Variants in MOK observed in about 807,000 individuals in gnomAD.
The protein encoded by MOK is MOK protein kinase.
Under a neutral mutation model 54.2 loss-of-function variants are expected in MOK, and 59 were observed. That is an observed-to-expected ratio of 1.09 (90% CI 0.88 to 1.35). MOK has a LOEUF of 1.35. Among genes scored for constraint, MOK ranks in the 40% most tolerant of loss-of-function variants. The probability of loss-of-function intolerance (pLI) is 0.00; values close to 1 mark genes in which losing one functional copy is unlikely to be tolerated. For synonymous variants in MOK, 210 were observed against 202.7 expected, an observed-to-expected ratio of 1.04 and a Z score of -0.31; for missense variants, 517 against 526.2, an observed-to-expected ratio of 0.98 and a Z score of 0.17.
At position 102,232,486 on chromosome 14, in the gene MOK, C is replaced by A; in HGVS notation, c.866+49G>T. The stretch of plus-strand genomic sequence containing the variant: ...TGCCCCACCATGTGCCCATGGGTCT[C>A]ATTTGCCAGGTCCTGCATCTGCCCC... On this transcript the variant is annotated intron_variant, in intron 9 of 11. Transcript: ENST00000361847. The surrounding 1 kb of genome is among the most constrained non-coding windows in gnomAD (Gnocchi z 5.1). 6.3e-7 allele frequency: 1 copy of A among 1,575,058 alleles called. No homozygotes were observed. Among genetic ancestry groups the A allele is most frequent in the South Asian group, 1.2e-5 (1 of 86,090 alleles).
At chr14:102,244,361 A>C (rs573869678) in intron 7 of MOK, among the ~76,000 whole-genome samples, 2 of 152,316 alleles carry the variant, frequency 1.3e-5, no homozygotes, top group South Asian at 2.1e-4. Context: ...ACTAAGGAAC[A>C]TATCTCCTTC....
At chr14:102,218,168 G>A in the MOK span, among the ~76,000 whole-genome samples, 1 of 152,376 alleles carries the variant, frequency 6.6e-6, no homozygotes, top group East Asian at 1.9e-4. Context: ...CCCAGGGCCT[G>A]TGTGCGTCTT....
chr14:102,217,595 C>T, the MOK span, among the ~76,000 whole-genome samples: 9 of 147,204 alleles, frequency 6.1e-5, no homozygotes, highest in South Asian at 4.2e-4. Flanking sequence ...AGATGGGTCC[C>T]GACGTCCCTG....
the MOK span, among the ~76,000 whole-genome samples, chr14:102,217,753 G>A: frequency 6.6e-6 from 1 of 152,246 alleles, no homozygotes; most frequent in Non-Finnish European, 1.5e-5. Flanking sequence ...GAGAATGGTG[G>A]GAGTCTTGCA....
chr14:102,292,452 A>G (rs2070867094), intron 1 of MOK, among the ~76,000 whole-genome samples: 2 of 152,060 alleles, frequency 1.3e-5, no homozygotes, highest in Admixed American at 1.3e-4. Context: ...TAGCCTGGGC[A>G]ACAGAGCAAG....
intron 1 of MOK, among the ~76,000 whole-genome samples, chr14:102,286,595 A>G (rs994267860): frequency 1.3e-5 from 2 of 152,140 alleles, no homozygotes; most frequent in Admixed American, 1.3e-4. Flanking sequence ...TGGGCGACAG[A>G]GGGAGACCCT....
chr14:102,226,481 C>G, downstream of MOK: 2 of 700,762 alleles, frequency 2.9e-6, no homozygotes, highest in Non-Finnish European at 5.2e-6. The surrounding 1 kb of genome is among the most constrained non-coding windows in gnomAD (Gnocchi z 4.8). Context: ...CCAGGGTTCA[C>G]GAGCTTTCCA....
At position 102,229,055 on chromosome 14, in the gene MOK, G is replaced by T; in HGVS notation, c.*234C>A. ...CCTGCCCCAAATTCTTAACGAAAAT[G>T]AAAGAAAACCCTAGAATGCGGTGGT... is the stretch of plus-strand genomic sequence containing the variant. On this transcript the variant is annotated 3_prime_UTR_variant, in exon 12 of 12. Transcript: ENST00000361847. The T allele has an allele frequency of 4.0e-6, 2 of 500,470 alleles. No homozygotes were observed. The highest frequency in any genetic ancestry group is 6.3e-5 in the East Asian group (2 of 31,896). The allele number at this position is 500,470 out of a possible 1,614,324, so 31.0% of individuals were successfully genotyped here.
rs1459139626 is a variant in MOK at position 102,250,896 on chromosome 14, G to A, written c.506C>T (p.Ala169Val). 1.7e-5 allele frequency: 27 copies of A among 1,613,982 alleles called. No individual in the cohort carries two copies. Among genetic ancestry groups the A allele is most frequent in the Admixed American group, 1.7e-4 (10 of 60,002 alleles). Residue 169 changes from alanine (A) to valine (V), a missense_variant, in exon 7 of 12, where the codon GCC (alanine) becomes GTC (valine). Coordinates refer to ENST00000361847, the MANE Select transcript of MOK (RefSeq NM_014226.3). Reference sequence around the variant, plus strand: ...CCCATCAGTGAGGAGACACTCCGGGGCCCGGTACCAGCGGGTGGAGATGTA... The same window carrying A: ...CCCATCAGTGAGGAGACACTCCGGGACCCGGTACCAGCGGGTGGAGATGTA... ...TEYISTRWYR[A>V]PECLLTDGFY...
At chr14:102,278,200 T>C (rs1193873699) in intron 2 of MOK, among the ~76,000 whole-genome samples, 1 of 152,108 alleles carries the variant, frequency 6.6e-6, no homozygotes, top group Non-Finnish European at 1.5e-5. Flanking sequence ...GAAATAAATG[T>C]CTGCTGTTTA....
In MOK at chr14:102,293,701, C is replaced by CAAAAAAAAAAAAAAAAAAAA. The variant is rs10598736; in HGVS notation, c.8-10129_8-10110dup. ...GGGCAACAAGAGCGAAACTCCATCACAAAAAAAAAAAAAAAAAAAAAAAAA... is the reference window on the plus strand; with the variant it reads ...GGGCAACAAGAGCGAAACTCCATCACAAAAAAAAAAAAAAAAAAAAAAAAAAAAAAAAAAAAAAAAAAAAA... On this transcript the variant is annotated intron_variant, in intron 1 of 11. Transcript: ENST00000361847. Among the ~76,000 whole-genome samples the CAAAAAAAAAAAAAAAAAAAA allele has an allele frequency of 7.5e-4, 41 of 54,586 alleles. 1 individual carries two copies. The highest frequency in any genetic ancestry group is 0.022 in the Middle Eastern group (1 of 46). 35.8% of individuals were successfully genotyped at this position (54,586 alleles called of 152,430 possible). A position where few individuals can be genotyped will look rare whatever the true frequency, so the allele number is the denominator to read the frequency against.
intron 4 of MOK, among the ~76,000 whole-genome samples, chr14:102,259,068 G>GAA: frequency 1.0e-5 from 1 of 95,862 alleles, no homozygotes; most frequent in Admixed American, 1.1e-4. Context: ...TCCATCTCAA[G>GAA]AAAAAAAAAA....
chr14:102,231,448 CCT>C lies in MOK; in HGVS notation c.981+257_981+258del, dbSNP rs994771304. On this transcript the variant is annotated intron_variant, in intron 10 of 11. Transcript: ENST00000361847. This position sits in a 1 kb window ranked among gnomAD's most constrained non-coding sequence, Gnocchi z 4.4. Reference sequence around the variant, plus strand: ...GACACAAAAGTTCATGCAAACATCCCCTCTCTGGGCCTGCTCACATGGGATAT... The same window carrying C: ...GACACAAAAGTTCATGCAAACATCCCCTCTGGGCCTGCTCACATGGGATAT... 2 of 403,580 alleles carry C rather than the reference CCT, an allele frequency of 5.0e-6. No individual in the cohort carries two copies. The highest frequency in any genetic ancestry group is 9.0e-6 in the Non-Finnish European group (2 of 223,356). 25.0% of individuals were successfully genotyped at this position (403,580 alleles called of 1,614,324 possible).
In MOK at chr14:102,235,502, C is replaced by A. The variant is rs1483609924; in HGVS notation, c.591-1713G>T. 3 of 152,250 alleles carry A rather than the reference C, an allele frequency of 2.0e-5. No individual in the cohort carries two copies. Among genetic ancestry groups the A allele is most frequent in the African/African-American group, 7.2e-5 (3 of 41,444 alleles). The allele number at this position is 152,250 out of a possible 1,614,324, so 9.4% of individuals were successfully genotyped here. ...AGGCCAGTAGGGGCCGCTGCAGTTC[C>A]CTGAGAAGAGCGTACCTGGGCGTAT... On this transcript the variant is annotated intron_variant, in intron 7 of 11. Coordinates refer to ENST00000361847, the MANE Select transcript of MOK (RefSeq NM_014226.3). The surrounding 1 kb of genome is among the most constrained non-coding windows in gnomAD (Gnocchi z 4.4).
chr14:102,248,787 A>G (rs1452859053), intron 7 of MOK, among the ~76,000 whole-genome samples: 2 of 151,548 alleles, frequency 1.3e-5, no homozygotes, highest in Non-Finnish European at 2.9e-5. Flanking sequence ...CAAAAAAAAA[A>G]AAAAAAAAAA....
chr14:102,254,022 T>C (rs908174790), intron 4 of MOK, among the ~76,000 whole-genome samples: 1 of 151,996 alleles, frequency 6.6e-6, no homozygotes, highest in Non-Finnish European at 1.5e-5. Context: ...TGTAGCACTG[T>C]CGCCCAGGCT....
chr14:102,245,136 TA>T lies in MOK; in HGVS notation c.590+5675del, dbSNP rs984209913. On this transcript the variant is annotated intron_variant, in intron 7 of 11. Coordinates refer to ENST00000361847, the MANE Select transcript of MOK (RefSeq NM_014226.3). The surrounding 1 kb of genome is among the most constrained non-coding windows in gnomAD (Gnocchi z 4.3). Reference sequence around the variant, plus strand: ...TGTCTTCCGTTTAGCTCTCAATTCATAAAAAAACACATCCAGGCCATCACCA... The same window carrying T: ...TGTCTTCCGTTTAGCTCTCAATTCATAAAAAACACATCCAGGCCATCACCA... Among the ~76,000 whole-genome samples the T allele has an allele frequency of 2.0e-5, 3 of 151,940 alleles. No individual in the cohort carries two copies. Among genetic ancestry groups the T allele is most frequent in the Admixed American group, 6.6e-5 (1 of 15,254 alleles).
At chr14:102,251,033 T>C (rs774008826) in intron 6 of MOK, 43 bp from the exon 7 acceptor site, 1 of 1,591,420 alleles carries the variant, frequency 6.3e-7, no homozygotes, top group Non-Finnish European at 8.6e-7. Context: ...TCCCATTATG[T>C]GGCTATCATA....
intron 7 of MOK, among the ~76,000 whole-genome samples, chr14:102,247,664 T>C (rs2066192295): frequency 6.6e-6 from 1 of 152,182 alleles, no homozygotes; most frequent in Non-Finnish European, 1.5e-5. Context: ...ATAGATTCTT[T>C]AGCAGCAGCG....
Sources: gnomAD v4.1 joint callset for allele counts (sites outside exome capture counted in the v4.1 genomes callset) on GRCh38, gnomAD v4.1.1 for gene constraint, Gnocchi (gnomAD v3.1) non-coding constraint, MANE v1.5 for transcripts, NCBI Gene and HGNC (gene_info 2026-07-23, HGNC 2026-07-21) for gene names.